Variants in BUB3 observed in about 807,000 individuals in gnomAD.
BUB3 encodes the protein BUB3 mitotic checkpoint protein.
Under a neutral mutation model 39.9 loss-of-function variants are expected in BUB3, and 22 were observed. That is an observed-to-expected ratio of 0.55 (90% CI 0.39 to 0.79). The LOEUF (loss-of-function observed/expected upper bound fraction) is 0.79. BUB3 is among the 30% of genes least tolerant of loss of function. BUB3 has a pLI of 0.00. For synonymous variants in BUB3, 168 were observed against 155.1 expected (o/e 1.08, Z -0.62); for missense variants, 303 against 415.4 (o/e 0.73, Z 2.35).
chr10:123,154,849 A>C, intron 1 of BUB3, 69 bp from the exon 2 acceptor site: 1 of 1,512,060 alleles, frequency 6.6e-7, no homozygotes, highest in Non-Finnish European at 8.9e-7. Context: ...GGGGACCCCC[A>C]GTGCCAGGCT....
intron 2 of BUB3, 55 bp from the exon 3 acceptor site, chr10:123,155,603 T>A: frequency 1.3e-6 from 2 of 1,496,466 alleles, no homozygotes; most frequent in Non-Finnish European, 1.9e-6. Context: ...GAAATAAGAA[T>A]GTTGAAACCC....
chr10:123,158,739 G>T (rs1283026819), intron 4 of BUB3, among the ~76,000 whole-genome samples: 1 of 152,166 alleles, frequency 6.6e-6, no homozygotes, highest in Non-Finnish European at 1.5e-5. Context: ...TTTGATTTAT[G>T]GTTGTATGTA....
At position 123,164,113 on chromosome 10, in the gene BUB3, T is replaced by C; in HGVS notation, c.*278T>C. The C allele has an allele frequency of 8.9e-7, 1 of 1,127,336 alleles. No homozygotes were observed. Among genetic ancestry groups the C allele is most frequent in the Non-Finnish European group, 1.1e-6 (1 of 922,950 alleles). The allele number at this position is 1,127,336 out of a possible 1,614,324, so 69.8% of individuals were successfully genotyped here. Reference sequence around the variant, plus strand: ...TTTTGAGAATCAGTTTTGACCTTGATGATTTTTTGTTTCCACTGTGGAAAT... The same window carrying C: ...TTTTGAGAATCAGTTTTGACCTTGACGATTTTTTGTTTCCACTGTGGAAAT... On this transcript the variant is annotated 3_prime_UTR_variant, in exon 8 of 8. Coordinates refer to ENST00000368865, the MANE Select transcript of BUB3 (RefSeq NM_004725.4).
chr10:123,165,228 C>T lies in BUB3; in HGVS notation c.*1393C>T, dbSNP rs1844474722. ...TTTAGGATGAGGAGTCTTTGTGTCCCTGTACAGTAGTCTGACGTATTTCCC... is the reference window on the plus strand; with the variant it reads ...TTTAGGATGAGGAGTCTTTGTGTCCTTGTACAGTAGTCTGACGTATTTCCC... On this transcript the variant is annotated 3_prime_UTR_variant, in exon 8 of 8. Coordinates refer to ENST00000368865, the MANE Select transcript of BUB3 (RefSeq NM_004725.4). 1 of 693,902 alleles carries T rather than the reference C, an allele frequency of 1.4e-6. No individual in the cohort carries two copies. Among genetic ancestry groups the T allele is most frequent in the Non-Finnish European group, 2.4e-6 (1 of 422,714 alleles). 43.0% of individuals were successfully genotyped at this position (693,902 alleles called of 1,614,324 possible). A position where few individuals can be genotyped will look rare whatever the true frequency, so the allele number is the denominator to read the frequency against.
chr10:123,154,848 C>T (rs1385224895), intron 1 of BUB3, 70 bp from the exon 2 acceptor site: 4 of 1,513,316 alleles, frequency 2.6e-6, no homozygotes, highest in Non-Finnish European at 3.6e-6. Flanking sequence ...GGGGGACCCC[C>T]AGTGCCAGGC....
rs528634988 is a variant in BUB3, at chr10:123,158,125, G to A, written c.417+245G>A. Among the ~76,000 whole-genome samples the A allele has an allele frequency of 3.9e-5, 6 of 152,306 alleles. No homozygotes were observed. The South Asian group carries it at 1.2e-3, about 32-fold the overall frequency. On this transcript the variant is annotated intron_variant, in intron 4 of 7. Coordinates refer to ENST00000368865, the MANE Select transcript of BUB3 (RefSeq NM_004725.4). ...ATATTTGCTTCCATGTATTGTTAAT[G>A]CTTTAAATCGCAAAATTGAGAAGCA... is the stretch of plus-strand genomic sequence containing the variant.
At chr10:123,157,240 T>G (rs558011155) in intron 3 of BUB3, among the ~76,000 whole-genome samples, 1 of 152,356 alleles carries the variant, frequency 6.6e-6, no homozygotes, top group African/African-American at 2.4e-5. Flanking sequence ...TTTAGCCATG[T>G]AAATAAGTTT....
At position 123,155,584 on chromosome 10, in the gene BUB3, T is replaced by A. The variant is rs1434763207; in HGVS notation, c.196-74T>A. On this transcript the variant is annotated intron_variant, in intron 2 of 7. Transcript: ENST00000368865. ...CATATCCCGAGCATAAACTGAACAC[T>A]TGCTTGTAGAAATAAGAATGTTGAA... 3.6e-6 allele frequency: 5 copies of A among 1,405,920 alleles called. No individual in the cohort carries two copies. In the African/African-American group the frequency reaches 4.3e-5, roughly 12 times the overall value. 87.1% of individuals were successfully genotyped at this position (1,405,920 alleles called of 1,614,324 possible).
chr10:123,166,962 G>A lies in BUB3; in HGVS notation c.*3127G>A, dbSNP rs950858528. On this transcript the variant is annotated 3_prime_UTR_variant, in exon 8 of 8. Coordinates refer to ENST00000368865, the MANE Select transcript of BUB3 (RefSeq NM_004725.4). ...TTCCTCCATTATCTGTTAAACTCCTGCTTTGCCAAAGGTATCTTCTATACC... is the reference window on the plus strand; with the variant it reads ...TTCCTCCATTATCTGTTAAACTCCTACTTTGCCAAAGGTATCTTCTATACC... The A allele has an allele frequency of 4.0e-4, 61 of 152,222 alleles. No homozygotes were observed. Among genetic ancestry groups the A allele is most frequent in the African/African-American group, 1.5e-3 (61 of 41,444 alleles). The allele number at this position is 152,222 out of a possible 1,614,324, so 9.4% of individuals were successfully genotyped here.
In BUB3 at chr10:123,169,477, C is replaced by G. The variant is rs757231282; in HGVS notation, c.*5642C>G. 1 of 152,218 alleles carries G rather than the reference C, an allele frequency of 6.6e-6. No individual in the cohort carries two copies. Among genetic ancestry groups the G allele is most frequent in the Admixed American group, 6.5e-5 (1 of 15,286 alleles). The allele number at this position is 152,218 out of a possible 1,614,324, so 9.4% of individuals were successfully genotyped here. On this transcript the variant is annotated 3_prime_UTR_variant, in exon 8 of 8. Coordinates refer to ENST00000368865, the MANE Select transcript of BUB3 (RefSeq NM_004725.4). Reference sequence around the variant, plus strand: ...CGTGGCCACATTTTGTTTTCAAGACCTTGGCCAACCTTTGGTCTTCACAGC... The same window carrying G: ...CGTGGCCACATTTTGTTTTCAAGACGTTGGCCAACCTTTGGTCTTCACAGC...
Position 123,169,961 on chromosome 10 carries a change from G to A in BUB3, c.*6126G>A, listed in dbSNP as rs1390061898. On this transcript the variant is annotated 3_prime_UTR_variant, in exon 8 of 8. Coordinates refer to ENST00000368865, the MANE Select transcript of BUB3 (RefSeq NM_004725.4). ...GTTCATAGCTACTCTGGAGGCTGAG[G>A]CGGGAGGATAACCTGAGTGCGGGAG... 6.6e-6 allele frequency: 1 copy of A among 152,220 alleles called. No individual in the cohort carries two copies. The highest frequency in any genetic ancestry group is 1.5e-5 in the Non-Finnish European group (1 of 68,054). The allele number at this position is 152,220 out of a possible 1,614,324, so 9.4% of individuals were successfully genotyped here. A position where few individuals can be genotyped will look rare whatever the true frequency, so the allele number is the denominator to read the frequency against.
intron 5 of BUB3, among the ~76,000 whole-genome samples, chr10:123,161,021 G>A (rs969413705): frequency 6.6e-6 from 1 of 150,826 alleles, no homozygotes; most frequent in Non-Finnish European, 1.5e-5. Context: ...TTTGACAATA[G>A]AACTTTGATA....
At chr10:123,155,520 GTT>G (rs990546566) in intron 2 of BUB3, 136 bp from the exon 3 acceptor site, 1 of 767,908 alleles carries the variant, frequency 1.3e-6, no homozygotes, top group Non-Finnish European at 2.1e-6. Context: ...TTTTTATGCT[GTT>G]TTTTGGTTTG....
At position 123,169,277 on chromosome 10, in the gene BUB3, ATC is replaced by A. The variant is rs149978891; in HGVS notation, c.*5444_*5445del. The A allele has an allele frequency of 1.8e-3, 277 of 152,366 alleles. 1 individual carries two copies. The highest frequency in any genetic ancestry group is 6.4e-3 in the African/African-American group (267 of 41,594). The allele number at this position is 152,366 out of a possible 1,614,324, so 9.4% of individuals were successfully genotyped here. The stretch of plus-strand genomic sequence containing the variant: ...AAAATTTGGATCATATTACATAAAT[ATC>A]TTGCTTCATGCACTTAATATGAAAT... On this transcript the variant is annotated 3_prime_UTR_variant, in exon 8 of 8. Coordinates refer to ENST00000368865, the MANE Select transcript of BUB3 (RefSeq NM_004725.4).
In BUB3 at chr10:123,163,808, T is replaced by C. The variant is rs1844454026; in HGVS notation, c.972-12T>C. On this transcript the variant is annotated splice_polypyrimidine_tract_variant and intron_variant, in intron 7 of 7. Coordinates refer to ENST00000368865, the MANE Select transcript of BUB3 (RefSeq NM_004725.4). ...GATCTCATGCTGTTCTTTTTTTCTT[T>C]TGAACTTGTAGGTCACCATGTACTT... The C allele has an allele frequency of 6.2e-7, 1 of 1,604,622 alleles. No individual in the cohort carries two copies. Among genetic ancestry groups the C allele is most frequent in the African/African-American group, 1.3e-5 (1 of 74,748 alleles).
In BUB3 at chr10:123,157,727, A is replaced by G; in HGVS notation, c.266-2A>G. On this transcript the variant is annotated splice_acceptor_variant, in intron 3 of 7. Coordinates refer to ENST00000368865, the MANE Select transcript of BUB3 (RefSeq NM_004725.4). LOFTEE classifies it high-confidence loss of function. ...TTTTTTCCCCTTTTTTTTTCTCTAT[A>G]GAAAATCTTGTTGGGACCCATGATG... is the stretch of plus-strand genomic sequence containing the variant. The G allele has an allele frequency of 6.4e-7, 1 of 1,572,486 alleles. No individual in the cohort carries two copies. Among genetic ancestry groups the G allele is most frequent in the Non-Finnish European group, 8.6e-7 (1 of 1,159,076 alleles).
chr10:123,160,391 T>G lies in BUB3; in HGVS notation c.418-16T>G. ...CAAGAAGGTGATTTTTAGCAAGTTT[T>G]GATCTTTTTTAAAAGGTATATACCC... is the stretch of plus-strand genomic sequence containing the variant. On this transcript the variant is annotated splice_polypyrimidine_tract_variant and intron_variant, in intron 4 of 7. Coordinates refer to ENST00000368865, the MANE Select transcript of BUB3 (RefSeq NM_004725.4). 1.3e-6 allele frequency: 2 copies of G among 1,501,490 alleles called. No individual in the cohort carries two copies. Among genetic ancestry groups the G allele is most frequent in the Non-Finnish European group, 1.8e-6 (2 of 1,123,652 alleles). The allele number at this position is 1,501,490 out of a possible 1,614,324, so 93.0% of individuals were successfully genotyped here. A position where few individuals can be genotyped will look rare whatever the true frequency, so the allele number is the denominator to read the frequency against.
Position 123,163,877 on chromosome 10 carries a change from A to C in BUB3, c.*42A>C. ...TAAGTGCCATGTTGATGATAATAAAACAATTCGTACTCCCCAATGGTGGAT... is the reference window on the plus strand; with the variant it reads ...TAAGTGCCATGTTGATGATAATAAACCAATTCGTACTCCCCAATGGTGGAT... On this transcript the variant is annotated 3_prime_UTR_variant, in exon 8 of 8. Transcript: ENST00000368865. 6.3e-7 allele frequency: 1 copy of C among 1,578,364 alleles called. No individual in the cohort carries two copies. Among genetic ancestry groups the C allele is most frequent in the Non-Finnish European group, 8.7e-7 (1 of 1,152,344 alleles).
intron 3 of BUB3, among the ~76,000 whole-genome samples, chr10:123,157,307 T>C (rs1009014604): frequency 6.6e-6 from 1 of 152,190 alleles, no homozygotes; most frequent in African/African-American, 2.4e-5. Flanking sequence ...AAGACCAGAG[T>C]TCTCCATTCA....
Sources: allele counts gnomAD v4.1 joint callset (sites outside exome capture counted in the v4.1 genomes callset), GRCh38; gene constraint gnomAD v4.1.1; transcripts MANE v1.5; gene names NCBI Gene and HGNC (gene_info 2026-07-23, HGNC 2026-07-21).